CSMD2: variants seen among roughly 807,000 people sequenced by gnomAD.
The protein encoded by CSMD2 is CUB and sushi domain-containing protein 2.
A neutral mutation model predicts 398.5 loss-of-function variants in CSMD2; 130 were observed. The ratio of observed to expected loss-of-function variants is 0.33; its 90% confidence interval spans 0.28 to 0.38. The LOEUF is 0.38. Ranked by LOEUF, CSMD2 falls within the 10% of genes least tolerant of loss-of-function variation. The pLI, the probability that CSMD2 is intolerant of heterozygous loss-of-function variation, is 1.00. For synonymous variants in CSMD2, 1,828 were observed against 1,908.5 expected (o/e 0.96, Z 1.10); for missense variants, 3,829 against 4,764.9 (o/e 0.80, Z 5.78).
chr1:34,007,773 AC>A (rs1647105626), intron 3 of CSMD2, among the ~76,000 whole-genome samples: 1 of 152,212 alleles, frequency 6.6e-6, no homozygotes, highest in Non-Finnish European at 1.5e-5. Context: ...AATTTTATGC[AC>A]TAATATGCAC....
chr1:33,837,436 T>C (rs1223611487), intron 6 of CSMD2, among the ~76,000 whole-genome samples: 3 of 142,492 alleles, frequency 2.1e-5, no homozygotes, highest in Admixed American at 7.2e-5. Flanking sequence ...AATGATATTA[T>C]ACTGAACCAC....
At position 33,605,239 on chromosome 1, in the gene CSMD2, G is replaced by A. The variant is rs368497440; in HGVS notation, c.6532+43C>T. On this transcript the variant is annotated intron_variant, in intron 42 of 70. Transcript: ENST00000373381. Reference sequence around the variant, plus strand: ...GGGATTGCTCTGGACCAGTCTCCACGAGTACCCCAGGAAGAACTGCTGGGG... The same window carrying A: ...GGGATTGCTCTGGACCAGTCTCCACAAGTACCCCAGGAAGAACTGCTGGGG... The A allele has an allele frequency of 4.1e-5, 65 of 1,577,266 alleles. No homozygotes were observed. The African/African-American group carries it at 6.0e-4, about 15-fold the overall frequency.
At chr1:34,141,317 A>C (rs1639272087) in intron 1 of CSMD2, among the ~76,000 whole-genome samples, 3 of 152,190 alleles carry the variant, frequency 2.0e-5, no homozygotes, top group African/African-American at 7.2e-5. Context: ...ACAGAGAACA[A>C]GATAGACAAG....
chr1:33,607,440 G>A (rs1640691441), intron 41 of CSMD2, among the ~76,000 whole-genome samples: 1 of 152,178 alleles, frequency 6.6e-6, no homozygotes, highest in African/African-American at 2.4e-5. Flanking sequence ...TTGAAGCTGG[G>A]TTTTTCCCCA....
At chr1:33,891,792 C>T (rs1221290381) in intron 5 of CSMD2, among the ~76,000 whole-genome samples, 3 of 149,844 alleles carry the variant, frequency 2.0e-5, no homozygotes, top group Non-Finnish European at 3.0e-5. Flanking sequence ...AGTAAACTAT[C>T]GCAAGGACAA....
At chr1:34,139,304 G>A (rs1639049968) in intron 1 of CSMD2, among the ~76,000 whole-genome samples, 1 of 152,122 alleles carries the variant, frequency 6.6e-6, no homozygotes, top group African/African-American at 2.4e-5. Context: ...TCCTGGACTG[G>A]CACACTCAGC....
At chr1:33,925,698 C>G (rs529710638) in intron 4 of CSMD2, among the ~76,000 whole-genome samples, 5 of 152,284 alleles carry the variant, frequency 3.3e-5, no homozygotes, top group South Asian at 4.1e-4. Context: ...TTACACCACT[C>G]TCTCTGTTGG....
At chr1:33,574,660 G>A (rs552350545) in intron 49 of CSMD2, among the ~76,000 whole-genome samples, 3 of 152,272 alleles carry the variant, frequency 2.0e-5, no homozygotes, top group Admixed American at 1.3e-4. Context: ...AATGGAGGAG[G>A]GTAGACTGTT....
intron 53 of CSMD2, among the ~76,000 whole-genome samples, chr1:33,562,432 C>T (rs1041581870): frequency 2.0e-5 from 3 of 152,200 alleles, no homozygotes; most frequent in African/African-American, 7.2e-5. Context: ...AGCAGAGGCT[C>T]TGAGCATTCT....
chr1:33,709,059 C>T, intron 22 of CSMD2, 30 bp downstream of exon 22: 1 of 1,580,740 alleles, frequency 6.3e-7, no homozygotes, highest in African/African-American at 1.3e-5. Context: ...CATACTATAA[C>T]ACACATACTC....
chr1:34,084,007 CCTT>C (rs1211707668), intron 2 of CSMD2, among the ~76,000 whole-genome samples: 3 of 152,008 alleles, frequency 2.0e-5, no homozygotes, highest in Non-Finnish European at 4.4e-5. Context: ...GCAGTGGTCT[CCTT>C]CTAGCCCTTC....
chr1:33,668,041 C>T (rs879836432), intron 25 of CSMD2, among the ~76,000 whole-genome samples: 1 of 152,100 alleles, frequency 6.6e-6, no homozygotes, highest in African/African-American at 2.4e-5. Context: ...GACAGAGTGG[C>T]CGGAGAAGAC....
chr1:33,645,120 G>C (rs111553652), intron 29 of CSMD2, among the ~76,000 whole-genome samples: 4,259 of 152,058 alleles, frequency 0.028, 183 homozygotes, highest in African/African-American at 0.096. Flanking sequence ...TATTCCCAGG[G>C]GTGGCCGGAA....
At chr1:34,098,432 T>C (rs927315412) in intron 1 of CSMD2, among the ~76,000 whole-genome samples, 9 of 147,740 alleles carry the variant, frequency 6.1e-5, no homozygotes, top group Non-Finnish European at 1.3e-4. Flanking sequence ...AATAAATAAA[T>C]AAATAAATAA....
chr1:33,995,708 T>C (rs770984185), intron 3 of CSMD2, among the ~76,000 whole-genome samples: 3 of 152,238 alleles, frequency 2.0e-5, no homozygotes, highest in Non-Finnish European at 4.4e-5. Flanking sequence ...AGCAGAGCTA[T>C]GAGAGTTTAC....
chr1:33,772,889 T>TCTTGAATC (rs1651474717), intron 12 of CSMD2, 138 bp from the exon 13 acceptor site: 15 of 689,262 alleles, frequency 2.2e-5, no homozygotes, highest in Non-Finnish European at 4.8e-6. Flanking sequence ...GATTCAACGT[T>TCTTGAATC]CTTATAAGGA....
intron 21 of CSMD2, among the ~76,000 whole-genome samples, chr1:33,711,194 G>C (rs1435962324): frequency 6.6e-6 from 1 of 152,118 alleles, no homozygotes; most frequent in Non-Finnish European, 1.5e-5. Flanking sequence ...GATTTGTCGG[G>C]GGGAGGGGGA....
intron 1 of CSMD2, among the ~76,000 whole-genome samples, chr1:34,111,693 A>C (rs1661091918): frequency 6.6e-6 from 1 of 152,198 alleles, no homozygotes; most frequent in Non-Finnish European, 1.5e-5. Flanking sequence ...CATCTGGCAA[A>C]GCTGGGGTTC....
chr1:33,944,920 C>T (rs1359684387), intron 3 of CSMD2, among the ~76,000 whole-genome samples: 1 of 152,074 alleles, frequency 6.6e-6, no homozygotes, highest in Non-Finnish European at 1.5e-5. Flanking sequence ...GTGTGGAGTC[C>T]ATGCTCTTGG....
Sources: allele counts gnomAD v4.1 joint callset (sites outside exome capture counted in the v4.1 genomes callset), GRCh38; gene constraint gnomAD v4.1.1; transcripts MANE v1.5; gene names NCBI Gene and HGNC (gene_info 2026-07-23, HGNC 2026-07-21).